The following JAZF1 variants were observed in gnomAD, a reference collection of about 807,000 sequenced individuals.
JAZF1 encodes JAZF zinc finger 1.
A neutral mutation model predicts 26.4 loss-of-function variants in JAZF1; 8 were observed. That is an observed-to-expected ratio of 0.30 (90% CI 0.18 to 0.55). JAZF1 has a LOEUF of 0.55. Among genes scored for constraint, JAZF1 ranks in the 20% least tolerant of loss-of-function variants. The pLI, the probability that JAZF1 is intolerant of heterozygous loss-of-function variation, is 0.94. For missense variants in JAZF1, 199 were observed against 322.0 expected (o/e 0.62, Z 2.92); for synonymous variants, 126 against 122.3 (o/e 1.03, Z -0.20).
At chr7:28,057,899 T>C (rs905002657) in intron 1 of JAZF1, among the ~76,000 whole-genome samples, 14 of 152,238 alleles carry the variant, frequency 9.2e-5, no homozygotes, top group Non-Finnish European at 1.9e-4. Flanking sequence ...GAACAAACTT[T>C]TGGCTTTCTT....
intron 2 of JAZF1, among the ~76,000 whole-genome samples, chr7:27,987,699 C>T (rs965951658): frequency 1.3e-5 from 2 of 152,364 alleles, no homozygotes; most frequent in Non-Finnish European, 2.9e-5. Context: ...GTGTACCCAA[C>T]AGCTCATTGA....
Position 28,165,997 on chromosome 7 carries a change from TA to T in JAZF1, c.115+14465del, listed in dbSNP as rs1001773352. ...GTTTGAGATGTTGCTGCATGAAAAATAAAAAAAAAGCATTTAATTACTTATT... is the reference window on the plus strand; with the variant it reads ...GTTTGAGATGTTGCTGCATGAAAAATAAAAAAAAGCATTTAATTACTTATT... On this transcript the variant is annotated intron_variant, in intron 1 of 4. Coordinates refer to ENST00000283928, the MANE Select transcript of JAZF1 (RefSeq NM_175061.4). Among the ~76,000 whole-genome samples the T allele has an allele frequency of 2.3e-4, 35 of 149,562 alleles. 1 individual carries two copies. Among genetic ancestry groups the T allele is most frequent in the Admixed American group, 1.3e-3 (20 of 15,030 alleles).
At chr7:27,875,062 CAG>C (rs1239534822) in intron 3 of JAZF1, among the ~76,000 whole-genome samples, 1 of 152,168 alleles carries the variant, frequency 6.6e-6, no homozygotes, top group Non-Finnish European at 1.5e-5. Flanking sequence ...TATATTGTGA[CAG>C]AGGCGGTCAG....
intron 1 of JAZF1, among the ~76,000 whole-genome samples, chr7:28,112,524 A>T (rs139916139): frequency 0.013 from 2,028 of 152,082 alleles, 18 homozygotes; most frequent in Non-Finnish European, 0.016. Context: ...ATTTTTTTTT[A>T]AATTTTTAAA....
At chr7:27,906,437 T>C (rs995680271) in intron 2 of JAZF1, among the ~76,000 whole-genome samples, 7 of 152,234 alleles carry the variant, frequency 4.6e-5, no homozygotes, top group South Asian at 2.1e-4. Flanking sequence ...AGCTGAGCCA[T>C]TGAAATAACA....
intron 2 of JAZF1, among the ~76,000 whole-genome samples, chr7:27,903,943 G>A (rs1361539183): frequency 6.6e-6 from 1 of 152,200 alleles, no homozygotes; most frequent in Non-Finnish European, 1.5e-5. Context: ...ACAAGCTTTT[G>A]AGAAAAGCTG....
chr7:27,944,875 A>C (rs1160616944), intron 2 of JAZF1, among the ~76,000 whole-genome samples: 1 of 152,048 alleles, frequency 6.6e-6, no homozygotes, highest in African/African-American at 2.4e-5. Flanking sequence ...AAAAAATTGG[A>C]TCATTTGGCT....
At chr7:27,923,067 G>A (rs1784558054) in intron 2 of JAZF1, among the ~76,000 whole-genome samples, 1 of 152,232 alleles carries the variant, frequency 6.6e-6, no homozygotes, top group African/African-American at 2.4e-5. Context: ...TGTGGTTGTT[G>A]GCGGCAGTCT....
At chr7:28,069,015 C>A (rs191684489) in intron 1 of JAZF1, among the ~76,000 whole-genome samples, 2 of 152,334 alleles carry the variant, frequency 1.3e-5, no homozygotes, top group East Asian at 3.9e-4. Flanking sequence ...TAATTTACTC[C>A]ATTTCTAAGA....
At chr7:28,086,477 T>C (rs938411162) in intron 1 of JAZF1, among the ~76,000 whole-genome samples, 2 of 152,016 alleles carry the variant, frequency 1.3e-5, no homozygotes, top group African/African-American at 4.8e-5. Flanking sequence ...ATCTGAGGAG[T>C]TCAAGTTTCA....
Position 28,107,397 on chromosome 7 carries a change from A to G in JAZF1, c.115+73066T>C, listed in dbSNP as rs149309905. ...ACCTTGGTATCAGATGTACTTTACT[A>G]AAGTGCTTTGGGGCGCTGAGAATGT... is the stretch of plus-strand genomic sequence containing the variant. On this transcript the variant is annotated intron_variant, in intron 1 of 4. Transcript: ENST00000283928. Among the ~76,000 whole-genome samples, 203 of 152,350 alleles carry G rather than the reference A, an allele frequency of 1.3e-3. 1 individual carries two copies. Among genetic ancestry groups the G allele is most frequent in the African/African-American group, 4.5e-3 (186 of 41,574 alleles).
intron 2 of JAZF1, among the ~76,000 whole-genome samples, chr7:27,970,410 A>G (rs1488980948): frequency 6.6e-6 from 1 of 152,166 alleles, no homozygotes; most frequent in Non-Finnish European, 1.5e-5. Context: ...CATGGGGAGA[A>G]TTTAAGAGAT....
chr7:27,872,342 T>C (rs1195024264), intron 3 of JAZF1, among the ~76,000 whole-genome samples: 1 of 152,268 alleles, frequency 6.6e-6, no homozygotes, highest in African/African-American at 2.4e-5. Context: ...AGTGCAATTT[T>C]ATTTATAACT....
At chr7:27,872,757 T>C (rs1783605561) in intron 3 of JAZF1, among the ~76,000 whole-genome samples, 1 of 152,220 alleles carries the variant, frequency 6.6e-6, no homozygotes, top group Admixed American at 6.5e-5. Flanking sequence ...CGGAGGCTCC[T>C]TATTGTCTTT....
intron 1 of JAZF1, among the ~76,000 whole-genome samples, chr7:28,157,758 A>C (rs1783209838): frequency 6.6e-6 from 1 of 152,182 alleles, no homozygotes; most frequent in Non-Finnish European, 1.5e-5. Flanking sequence ...GGTCCCTGTT[A>C]ATGAAGCTTA....
At chr7:28,118,515 A>G (rs1232189437) in intron 1 of JAZF1, among the ~76,000 whole-genome samples, 1 of 152,180 alleles carries the variant, frequency 6.6e-6, no homozygotes, top group Admixed American at 6.5e-5. Flanking sequence ...GAAAAAAAAG[A>G]GTATTTTTTA....
intron 1 of JAZF1, among the ~76,000 whole-genome samples, chr7:28,075,801 A>T (rs1784042530): frequency 6.6e-6 from 1 of 152,228 alleles, no homozygotes; most frequent in Non-Finnish European, 1.5e-5. Flanking sequence ...GAATTCTAGA[A>T]ATGGGCTTGC....
intron 1 of JAZF1, among the ~76,000 whole-genome samples, chr7:28,099,040 G>A (rs146467931): frequency 2.1e-4 from 32 of 152,298 alleles, no homozygotes; most frequent in African/African-American, 7.5e-4. Flanking sequence ...GTTAGCACTA[G>A]GACTGAGGGA....
chr7:28,085,645 T>C (rs561602166), intron 1 of JAZF1, among the ~76,000 whole-genome samples: 3 of 152,226 alleles, frequency 2.0e-5, no homozygotes, highest in Non-Finnish European at 4.4e-5. Flanking sequence ...TCATGTTAAC[T>C]ATTGCTTTGC....
Sources: gnomAD v4.1 joint callset for allele counts (sites outside exome capture counted in the v4.1 genomes callset) on GRCh38, gnomAD v4.1.1 for gene constraint, MANE v1.5 for transcripts, NCBI Gene and HGNC (gene_info 2026-07-23, HGNC 2026-07-21) for gene names.